The following RAPGEF6 variants were observed in gnomAD, a reference collection of about 807,000 sequenced individuals.
The protein encoded by RAPGEF6 is PDZ domain containing guanine nucleotide exchange factor (GEF) 2.
RAPGEF6 carries 56 observed loss-of-function variants against 171.4 expected under a neutral mutation model. The observed-to-expected ratio is 0.33, with a 90% CI of 0.26 to 0.41. RAPGEF6 has a LOEUF of 0.41. RAPGEF6 is among the 10% of genes least tolerant of loss of function. The pLI, the probability that RAPGEF6 is intolerant of heterozygous loss-of-function variation, is 1.00. For synonymous variants in RAPGEF6, 692 were observed against 650.1 expected (o/e 1.06, Z -0.98); for missense variants, 1,674 against 1,921.4 (o/e 0.87, Z 2.41).
intron 1 of RAPGEF6, among the ~76,000 whole-genome samples, chr5:131,628,908 G>C (rs2150041983): frequency 6.6e-6 from 1 of 152,144 alleles, no homozygotes; most frequent in East Asian, 1.9e-4. Flanking sequence ...CAGAAAAAAA[G>C]ATTCATTTCA....
In RAPGEF6 at chr5:131,632,797, A is replaced by T. The variant is rs193229458; in HGVS notation, c.69+2165T>A. Among the ~76,000 whole-genome samples the T allele has an allele frequency of 5.9e-5, 9 of 152,302 alleles. No individual in the cohort carries two copies. The East Asian group carries it at 1.7e-3, about 29-fold the overall frequency. On this transcript the variant is annotated intron_variant, in intron 1 of 27. Transcript: ENST00000509018. ...CAAACAAATCATCACTAGGATTCAGATTTCCTTCTTCATACTTCTTTACCC... is the reference window on the plus strand; with the variant it reads ...CAAACAAATCATCACTAGGATTCAGTTTTCCTTCTTCATACTTCTTTACCC...
intron 5 of RAPGEF6, among the ~76,000 whole-genome samples, chr5:131,557,815 T>C (rs1761335408): frequency 6.6e-6 from 1 of 152,208 alleles, no homozygotes; most frequent in African/African-American, 2.4e-5. Flanking sequence ...GAATCACACA[T>C]TCAAATGCTA....
chr5:131,459,573 A>C (rs1449939849), intron 19 of RAPGEF6, among the ~76,000 whole-genome samples: 1 of 152,238 alleles, frequency 6.6e-6, no homozygotes, highest in Non-Finnish European at 1.5e-5. Context: ...ACATGGCAAA[A>C]GTAAACACCA....
intron 1 of RAPGEF6, among the ~76,000 whole-genome samples, chr5:131,607,982 C>T (rs1255444755): frequency 1.3e-5 from 2 of 152,122 alleles, no homozygotes; most frequent in African/African-American, 4.8e-5. Flanking sequence ...TAAAGATCCA[C>T]CTGAAAAAAT....
intron 1 of RAPGEF6, among the ~76,000 whole-genome samples, chr5:131,625,917 T>C (rs1444595518): frequency 6.6e-6 from 1 of 152,136 alleles, no homozygotes; most frequent in Non-Finnish European, 1.5e-5. Context: ...ATAAAATACA[T>C]GTCCAGTCTA....
intron 24 of RAPGEF6, among the ~76,000 whole-genome samples, chr5:131,435,510 C>A (rs969092798): frequency 1.3e-5 from 2 of 152,132 alleles, no homozygotes; most frequent in African/African-American, 4.8e-5. Flanking sequence ...ATACTAAGAA[C>A]CACCTGGCAA....
At position 131,431,178 on chromosome 5, in the gene RAPGEF6, T is replaced by G; in HGVS notation, c.4146A>C (p.Pro1382=). ...AAGAGTTCAAAAAATCCCAGCTTTT[T>G]GGGTTTGGAAGGCTTTGGAAGTTGT... The part of the protein sequence containing the change: ...SHDNFQSLPN[P]KSWDFLNSYR... Residue 1382 remains proline (P), a synonymous_variant, in exon 26 of 28, where the codon CCA becomes CCC. Coordinates refer to ENST00000509018, the MANE Select transcript of RAPGEF6 (RefSeq NM_016340.6). 3 of 1,614,190 alleles carry G rather than the reference T, an allele frequency of 1.9e-6. No homozygotes were observed. The highest frequency in any genetic ancestry group is 2.5e-6 in the Non-Finnish European group (3 of 1,180,036).
chr5:131,466,318 A>G (rs571594679), intron 17 of RAPGEF6, among the ~76,000 whole-genome samples: 1 of 151,720 alleles, frequency 6.6e-6, no homozygotes, highest in South Asian at 2.1e-4. Flanking sequence ...CATCAAATGC[A>G]TCTTGTTCAG....
At chr5:131,490,863 A>C (rs1043416115) in intron 14 of RAPGEF6, among the ~76,000 whole-genome samples, 1 of 152,214 alleles carries the variant, frequency 6.6e-6, no homozygotes, top group Non-Finnish European at 1.5e-5. Context: ...AGCAGGTGTA[A>C]ATGTCTAAAT....
intron 1 of RAPGEF6, among the ~76,000 whole-genome samples, chr5:131,605,166 A>G (rs1764480094): frequency 6.6e-6 from 1 of 152,330 alleles, no homozygotes; most frequent in African/African-American, 2.4e-5. Context: ...AAGATTTCCA[A>G]TGGTACAATC....
At chr5:131,539,494 A>G (rs1759991942) in intron 6 of RAPGEF6, among the ~76,000 whole-genome samples, 1 of 152,200 alleles carries the variant, frequency 6.6e-6, no homozygotes, top group Non-Finnish European at 1.5e-5. Context: ...ACATGTTTGT[A>G]CCAAAGTCCT....
At chr5:131,510,257 T>C in intron 8 of RAPGEF6, 57 bp downstream of exon 8, 1 of 1,456,910 alleles carries the variant, frequency 6.9e-7, no homozygotes, top group Non-Finnish European at 9.3e-7. Flanking sequence ...TATGCAGAAA[T>C]AGGTAACCAT....
At position 131,431,052 on chromosome 5, in the gene RAPGEF6, A is replaced by C; in HGVS notation, c.4272T>G (p.Cys1424Trp). 1 of 1,614,194 alleles carries C rather than the reference A, an allele frequency of 6.2e-7. No homozygotes were observed. Among genetic ancestry groups the C allele is most frequent in the Non-Finnish European group, 8.5e-7 (1 of 1,180,032 alleles). Residue 1424 changes from cysteine (C) to tryptophan (W), a missense_variant, in exon 26 of 28, where the codon TGT becomes TGG. Coordinates refer to ENST00000509018, the MANE Select transcript of RAPGEF6 (RefSeq NM_016340.6). Reference protein sequence around the residue: ...SKSCSRTCGQCKGSLERKSWT... With the variant: ...SKSCSRTCGQWKGSLERKSWT... ...AACTCTTTCTCTCTAGGCTTCCTTT[A>C]CACTGCCCACAAGTTCTAGAGCAGC...
At chr5:131,456,534 T>C (rs1473514062) in intron 19 of RAPGEF6, among the ~76,000 whole-genome samples, 1 of 152,238 alleles carries the variant, frequency 6.6e-6, no homozygotes, top group Non-Finnish European at 1.5e-5. Flanking sequence ...AGCCTCCAGA[T>C]ATTCAATGTC....
At chr5:131,521,366 G>T (rs1411174101) in intron 7 of RAPGEF6, 24 bp downstream of exon 7, 4 of 1,568,768 alleles carry the variant, frequency 2.5e-6, no homozygotes, top group Non-Finnish European at 3.4e-6. Flanking sequence ...CATATACGCA[G>T]CATACAAATT....
intron 6 of RAPGEF6, among the ~76,000 whole-genome samples, chr5:131,546,446 T>C (rs982748772): frequency 1.3e-5 from 2 of 151,668 alleles, no homozygotes; most frequent in Non-Finnish European, 2.9e-5. Flanking sequence ...CTACTAAAAA[T>C]ACAAAAAATT....
At chr5:131,476,954 T>A (rs547431936) in intron 16 of RAPGEF6, among the ~76,000 whole-genome samples, 1 of 152,332 alleles carries the variant, frequency 6.6e-6, no homozygotes, top group Non-Finnish European at 1.5e-5. Context: ...TTTGTCAATC[T>A]GTGAGGAAAC....
chr5:131,528,090 A>T (rs1437235176), intron 6 of RAPGEF6, among the ~76,000 whole-genome samples: 9 of 129,022 alleles, frequency 7.0e-5, no homozygotes, highest in East Asian at 2.0e-4. Context: ...TATTATATGT[A>T]ATATAAATTT....
chr5:131,438,862 A>T (rs1407273686), intron 24 of RAPGEF6, among the ~76,000 whole-genome samples: 1 of 152,232 alleles, frequency 6.6e-6, no homozygotes, highest in Non-Finnish European at 1.5e-5. Context: ...TTACTAAAAA[A>T]GGAAAAGCAT....
Sources: gnomAD v4.1 joint callset for allele counts (sites outside exome capture counted in the v4.1 genomes callset) on GRCh38, gnomAD v4.1.1 for gene constraint, MANE v1.5 for transcripts, NCBI Gene and HGNC (gene_info 2026-07-23, HGNC 2026-07-21) for gene names.